Variants in LUZP2 observed in about 807,000 individuals in gnomAD.
LUZP2 encodes leucine zipper protein 2.
In LUZP2, 52 loss-of-function variants were observed where a neutral mutation model predicts 51.6. The ratio of observed to expected loss-of-function variants is 1.01; its 90% CI spans 0.81 to 1.27. The LOEUF (loss-of-function observed/expected upper bound fraction) is 1.27, where lower values mean the gene tolerates loss of function less well. Among genes scored for constraint, LUZP2 ranks in the 50% most tolerant of loss-of-function variants. LUZP2 has a pLI of 0.00. For synonymous variants in LUZP2, 154 were observed against 137.3 expected (o/e 1.12, Z -0.85); for missense variants, 436 against 395.4 (o/e 1.10, Z -0.87).
intron 7 of LUZP2, among the ~76,000 whole-genome samples, chr11:24,972,297 T>C (rs1223764154): frequency 6.6e-6 from 1 of 152,040 alleles, no homozygotes; most frequent in Non-Finnish European, 1.5e-5. Flanking sequence ...ACAAGTAATA[T>C]AAACTGTATT....
rs566707437 is a variant in LUZP2 at position 24,998,348 on chromosome 11, T to C, written c.765+15055T>C. Among the ~76,000 whole-genome samples the C allele has an allele frequency of 2.6e-5, 4 of 152,274 alleles. No homozygotes were observed. The South Asian group carries it at 8.3e-4, about 32-fold the overall frequency. ...AGAGGTCCTTCACGTCCCTTGTAAG[T>C]TGGATTCTTAGGTATTTTATTCTCT... On this transcript the variant is annotated intron_variant, in intron 9 of 11. Transcript: ENST00000336930.
In LUZP2 at chr11:24,718,382, G is replaced by A. The variant is rs528500783; in HGVS notation, c.63-10787G>A. ...TCAAATGAAGCTAGCAGTCTTTTGC[G>A]CAGATTAATCAGTGAAGCACAAGTT... On this transcript the variant is annotated intron_variant, in intron 1 of 11. Coordinates refer to ENST00000336930, the MANE Select transcript of LUZP2 (RefSeq NM_001009909.4). 2.0e-4 allele frequency among the ~76,000 whole-genome samples: 31 copies of A among 152,280 alleles called. No homozygotes were observed. In the South Asian group the frequency reaches 4.4e-3, roughly 21 times the overall value.
At chr11:25,022,268 C>T (rs1031783448) in intron 9 of LUZP2, among the ~76,000 whole-genome samples, 1 of 151,958 alleles carries the variant, frequency 6.6e-6, no homozygotes, top group Admixed American at 6.6e-5. Flanking sequence ...TATGAAAGTA[C>T]CTCTTTTACA....
chr11:24,926,320 CGT>C (rs1281522356), intron 7 of LUZP2, among the ~76,000 whole-genome samples: 632 of 27,248 alleles, frequency 0.023, 78 homozygotes, highest in African/African-American at 0.089. Context: ...TATATATATA[CGT>C]GTGTGTATAT....
chr11:24,557,289 A>G (rs1439789025), intron 1 of LUZP2, among the ~76,000 whole-genome samples: 2 of 152,226 alleles, frequency 1.3e-5, no homozygotes, highest in African/African-American at 4.8e-5. Flanking sequence ...AGAAGAGTTA[A>G]TATGTAATAG....
At chr11:24,804,140 T>G (rs2134122197) in intron 5 of LUZP2, among the ~76,000 whole-genome samples, 1 of 152,276 alleles carries the variant, frequency 6.6e-6, no homozygotes, top group South Asian at 2.1e-4. Flanking sequence ...TCACACTAAT[T>G]TATCTCTTAG....
chr11:24,504,716 T>A (rs1850098771), intron 1 of LUZP2, among the ~76,000 whole-genome samples: 1 of 151,926 alleles, frequency 6.6e-6, no homozygotes, highest in Non-Finnish European at 1.5e-5. Context: ...AATAATTTTT[T>A]TTTAAATTCA....
intron 5 of LUZP2, among the ~76,000 whole-genome samples, chr11:24,895,687 C>G (rs1853018852): frequency 6.6e-6 from 1 of 152,192 alleles, no homozygotes; most frequent in Non-Finnish European, 1.5e-5. Flanking sequence ...AAGGACAAGA[C>G]TTCCTTCTTT....
chr11:25,003,792 A>G (rs1272808180), intron 9 of LUZP2, among the ~76,000 whole-genome samples: 1 of 152,146 alleles, frequency 6.6e-6, no homozygotes, highest in Non-Finnish European at 1.5e-5. Flanking sequence ...GGGACAACAA[A>G]TGGGTAACTT....
At chr11:25,005,764 C>T (rs1018549712) in intron 9 of LUZP2, among the ~76,000 whole-genome samples, 3 of 152,140 alleles carry the variant, frequency 2.0e-5, no homozygotes, top group Non-Finnish European at 4.4e-5. Flanking sequence ...TTTAGTGGCC[C>T]TTACCAACGC....
intron 1 of LUZP2, among the ~76,000 whole-genome samples, chr11:24,722,296 G>GA (rs35308146): frequency 1.3e-5 from 2 of 152,094 alleles, no homozygotes; most frequent in Non-Finnish European, 2.9e-5. Context: ...ATTTATACAG[G>GA]AAAAAGGGTT....
chr11:24,714,558 GA>G (rs1018369715), intron 1 of LUZP2, among the ~76,000 whole-genome samples: 1 of 152,060 alleles, frequency 6.6e-6, no homozygotes, highest in Non-Finnish European at 1.5e-5. Context: ...AATGCTTTCA[GA>G]AAAATGATAG....
intron 1 of LUZP2, among the ~76,000 whole-genome samples, chr11:24,650,831 C>T (rs1315235709): frequency 4.6e-5 from 7 of 152,024 alleles, no homozygotes; most frequent in African/African-American, 1.2e-4. Context: ...GAAACTTTTG[C>T]ATTAATATGC....
chr11:24,799,463 G>T (rs1269784995), intron 5 of LUZP2, among the ~76,000 whole-genome samples: 1 of 152,008 alleles, frequency 6.6e-6, no homozygotes, highest in Non-Finnish European at 1.5e-5. Context: ...AGGTGTGGTG[G>T]CAGGCGCCTG....
At chr11:25,036,215 TC>T (rs1429986927) in intron 9 of LUZP2, among the ~76,000 whole-genome samples, 1 of 152,158 alleles carries the variant, frequency 6.6e-6, no homozygotes, top group Non-Finnish European at 1.5e-5. Flanking sequence ...ATTTCATGCT[TC>T]TAGAAATATA....
chr11:24,723,589 G>T (rs1033598838), intron 1 of LUZP2, among the ~76,000 whole-genome samples: 1 of 152,208 alleles, frequency 6.6e-6, no homozygotes, highest in African/African-American at 2.4e-5. Context: ...ACTTTGGGAG[G>T]CTGAGGCAGG....
At chr11:24,830,872 T>C (rs1252481445) in intron 5 of LUZP2, among the ~76,000 whole-genome samples, 3 of 151,970 alleles carry the variant, frequency 2.0e-5, no homozygotes, top group Admixed American at 2.0e-4. Flanking sequence ...TGGGCGCCTA[T>C]AGTCCCAGCT....
intron 1 of LUZP2, among the ~76,000 whole-genome samples, chr11:24,643,994 T>C (rs1358290630): frequency 6.6e-6 from 1 of 152,208 alleles, no homozygotes; most frequent in Non-Finnish European, 1.5e-5. Context: ...AATTATATTC[T>C]CTCTTTCACA....
intron 1 of LUZP2, among the ~76,000 whole-genome samples, chr11:24,651,073 A>G (rs1384493508): frequency 6.6e-6 from 1 of 151,826 alleles, no homozygotes; most frequent in Non-Finnish European, 1.5e-5. Flanking sequence ...TTGTATTAAT[A>G]TTTTCCTTTC....
Sources: allele counts gnomAD v4.1 joint callset (sites outside exome capture counted in the v4.1 genomes callset), GRCh38; gene constraint gnomAD v4.1.1; transcripts MANE v1.5; gene names NCBI Gene and HGNC (gene_info 2026-07-23, HGNC 2026-07-21).